SFI1: variants seen among roughly 807,000 people sequenced by gnomAD.
SFI1 encodes protein SFI1 homolog.
SFI1 carries 195 observed loss-of-function variants against 207.5 expected under a neutral mutation model. That is an observed-to-expected ratio of 0.94 (90% CI 0.84 to 1.06). SFI1 has a LOEUF of 1.06. Among genes scored for constraint, SFI1 ranks in the 50% least tolerant of loss-of-function variants. The probability of loss-of-function intolerance (pLI) is 0.00; values close to 1 mark genes in which losing one functional copy is unlikely to be tolerated. For synonymous variants in SFI1, 630 were observed against 598.9 expected (o/e 1.05, Z -0.76); for missense variants, 1,634 against 1,588.0 (o/e 1.03, Z -0.49).
At chr22:31,547,835 C>T (rs935594550) in intron 5 of SFI1, among the ~76,000 whole-genome samples, 1 of 151,056 alleles carries the variant, frequency 6.6e-6, no homozygotes, top group Non-Finnish European at 1.5e-5. Flanking sequence ...GTCTCAATCT[C>T]CTGACCTCAG....
intron 1 of SFI1, 52 bp from the exon 2 acceptor site, chr22:31,508,203 C>G (rs907731956): frequency 1.3e-4 from 131 of 1,045,438 alleles, no homozygotes; most frequent in Non-Finnish European, 5.2e-5. Context: ...AAATGTGGCT[C>G]CTGAGAGGCT....
At chr22:31,513,586 T>TGTTTTGTTTTGTTTA (rs1242026492) in intron 2 of SFI1, among the ~76,000 whole-genome samples, 1 of 151,390 alleles carries the variant, frequency 6.6e-6, no homozygotes, top group Non-Finnish European at 1.5e-5. Flanking sequence ...TGTTTTGTTT[T>TGTTTTGTTTTGTTTA]GTTTTATTTT....
At chr22:31,616,590 C>T (rs1458139212) in intron 29 of SFI1, 155 bp from the exon 30 acceptor site, 3 of 752,656 alleles carry the variant, frequency 4.0e-6, no homozygotes, top group Non-Finnish European at 6.4e-6. Flanking sequence ...AGACACTGAG[C>T]TGGCACGGCC....
chr22:31,511,228 G>A (rs933984551), intron 2 of SFI1, among the ~76,000 whole-genome samples: 4 of 152,034 alleles, frequency 2.6e-5, no homozygotes, highest in South Asian at 2.1e-4. Context: ...TTCCCCCAGT[G>A]TAATCAACTA....
chr22:31,544,504 A>G (rs1569266517), intron 4 of SFI1, among the ~76,000 whole-genome samples: 1 of 152,096 alleles, frequency 6.6e-6, no homozygotes, highest in Non-Finnish European at 1.5e-5. Context: ...TTGAAAAGTC[A>G]GATTTTGGGA....
chr22:31,615,620 A>T, intron 29 of SFI1: 1 of 235,514 alleles, frequency 4.2e-6, no homozygotes. Context: ...AAGTCGGGGA[A>T]GGGTTTTGGC....
At chr22:31,582,144 A>G (rs2064260603) in intron 12 of SFI1, among the ~76,000 whole-genome samples, 1 of 126,560 alleles carries the variant, frequency 7.9e-6, no homozygotes, top group Admixed American at 9.2e-5. Flanking sequence ...TTTTGTTGCT[A>G]TATTTCTTAA....
chr22:31,513,291 T>C (rs2055903562), intron 2 of SFI1, among the ~76,000 whole-genome samples: 1 of 151,916 alleles, frequency 6.6e-6, no homozygotes, highest in African/African-American at 2.4e-5. Context: ...CCCAAGTAGC[T>C]GGGACTTCAG....
intron 24 of SFI1, chr22:31,612,396 AAAATAT>A (rs1431752763): frequency 6.4e-4 from 61 of 95,740 alleles, no homozygotes; most frequent in Non-Finnish European, 9.7e-4. Flanking sequence ...AAAAAAAAAA[AAAATAT>A]ATATATATAT....
In SFI1 at chr22:31,613,345, T is replaced by C. The variant is rs1260520514; in HGVS notation, c.2566-9T>C. ...GAGACCTGGGCCTCACCTCCTGCCC[T>C]CCCTGGAGGTGTGGGCCACGTGGCT... On this transcript the variant is annotated splice_polypyrimidine_tract_variant and intron_variant, in intron 25 of 32. Coordinates refer to ENST00000400288, the MANE Select transcript of SFI1 (RefSeq NM_001007467.3). 6.2e-7 allele frequency: 1 copy of C among 1,604,048 alleles called. No homozygotes were observed. The highest frequency in any genetic ancestry group is 8.5e-7 in the Non-Finnish European group (1 of 1,173,598).
intron 19 of SFI1, chr22:31,604,620 C>T (rs1310850894): frequency 1.7e-6 from 1 of 592,122 alleles, no homozygotes; most frequent in African/African-American, 1.9e-5. Flanking sequence ...GGGTACTAGC[C>T]TTGTAGCGAA....
At chr22:31,602,533 G>C in intron 16 of SFI1, 74 bp from the exon 17 acceptor site, 1 of 1,550,002 alleles carries the variant, frequency 6.5e-7, no homozygotes, top group South Asian at 1.1e-5. Flanking sequence ...TTTGTGGCCT[G>C]TAAATTCTTT....
chr22:31,580,436 C>A, intron 12 of SFI1, 72 bp downstream of exon 12: 2 of 1,287,182 alleles, frequency 1.6e-6, no homozygotes, highest in South Asian at 1.3e-5. Flanking sequence ...TTCAGTCTTG[C>A]CAAATTAAGC....
Position 31,615,245 on chromosome 22 carries a change from C to T in SFI1, c.3266C>T (p.Ser1089Phe), listed in dbSNP as rs1265981063. The change falls in exon 29 of 33, where the codon TCC (serine) becomes TTC (phenylalanine). Residue 1089 changes from serine (S) to phenylalanine (F), a missense_variant. Transcript: ENST00000400288. The part of the protein sequence containing the change: ...GPELLLLPLS[S>F]FMPCGAAAPA... ...GAGCTGCTGCTGCTGCCTCTTTCCT[C>T]CTTCATGCCCTGCGGGGCGGCTGCA... The T allele has an allele frequency of 2.0e-6, 3 of 1,521,506 alleles. No individual in the cohort carries two copies. Among genetic ancestry groups the T allele is most frequent in the African/African-American group, 2.8e-5 (2 of 71,926 alleles). The allele number at this position is 1,521,506 out of a possible 1,614,324, so 94.3% of individuals were successfully genotyped here. A position where few individuals can be genotyped will look rare whatever the true frequency, so the allele number is the denominator to read the frequency against.
intron 2 of SFI1, among the ~76,000 whole-genome samples, chr22:31,528,438 T>C (rs959818134): frequency 6.6e-6 from 1 of 151,984 alleles, no homozygotes; most frequent in African/African-American, 2.4e-5. Context: ...AAAAGAAAAC[T>C]GTGTTAGGCC....
chr22:31,542,211 T>C (rs1173362284), intron 4 of SFI1, among the ~76,000 whole-genome samples: 2 of 151,596 alleles, frequency 1.3e-5, no homozygotes, highest in Non-Finnish European at 2.9e-5. Flanking sequence ...TCTGGAGTCT[T>C]TTCAGGCTTT....
At chr22:31,580,193 G>A in intron 11 of SFI1, 79 bp from the exon 12 acceptor site, 1 of 1,100,826 alleles carries the variant, frequency 9.1e-7, no homozygotes, top group South Asian at 1.4e-5. Flanking sequence ...TTGAGGCACT[G>A]TTTGCCTTCC....
intron 4 of SFI1, among the ~76,000 whole-genome samples, chr22:31,545,621 G>A (rs1438786025): frequency 6.7e-6 from 1 of 148,922 alleles, no homozygotes; most frequent in Non-Finnish European, 1.5e-5. Context: ...TCACTTTGTT[G>A]CCCATGTTGG....
Position 31,541,743 on chromosome 22 carries a change from C to CA in SFI1, c.339-5098dup, listed in dbSNP as rs71673219. On this transcript the variant is annotated intron_variant, in intron 4 of 32. Transcript: ENST00000400288. Reference sequence around the variant, plus strand: ...TAGGTAACAGAACAAGACTCCATCTCAAAAAAAAAAAAAAAAAAAAGAATT... The same window carrying CA: ...TAGGTAACAGAACAAGACTCCATCTCAAAAAAAAAAAAAAAAAAAAAGAATT... Among the ~76,000 whole-genome samples, 266 of 86,148 alleles carry CA rather than the reference C, an allele frequency of 3.1e-3. 4 individuals carry two copies. Among genetic ancestry groups the CA allele is most frequent in the Middle Eastern group, 9.8e-3 (1 of 102 alleles). 56.5% of individuals were successfully genotyped at this position (86,148 alleles called of 152,430 possible).
Sources: gnomAD v4.1 joint callset for allele counts (sites outside exome capture counted in the v4.1 genomes callset) on GRCh38, gnomAD v4.1.1 for gene constraint, MANE v1.5 for transcripts, NCBI Gene and HGNC (gene_info 2026-07-23, HGNC 2026-07-21) for gene names.